IGF2R: variants seen among roughly 807,000 people sequenced by gnomAD.
IGF2R encodes insulin like growth factor 2 receptor.
In IGF2R, 91 loss-of-function variants were observed where a neutral mutation model predicts 270.6. The ratio of observed to expected loss-of-function variants is 0.34; its 90% CI spans 0.28 to 0.40. The LOEUF is 0.40. IGF2R is among the 10% of genes least tolerant of loss of function. The probability of loss-of-function intolerance (pLI) is 1.00; values close to 1 mark genes in which losing one functional copy is unlikely to be tolerated. For synonymous variants in IGF2R, 1,316 were observed against 1,258.9 expected (o/e 1.05, Z -0.96); for missense variants, 2,805 against 3,188.3 (o/e 0.88, Z 2.90).
At chr6:160,052,782 A>C (rs1583281254) in intron 19 of IGF2R, among the ~76,000 whole-genome samples, 1 of 152,332 alleles carries the variant, frequency 6.6e-6, no homozygotes, top group East Asian at 1.9e-4. Flanking sequence ...AACACCACAC[A>C]TCTACAACCA....
chr6:160,071,119 T>G (rs1778716442), intron 31 of IGF2R, among the ~76,000 whole-genome samples: 1 of 126,298 alleles, frequency 7.9e-6, no homozygotes, highest in Non-Finnish European at 1.6e-5. Context: ...GAGGGAAGGA[T>G]GAGGGTGGTG....
intron 4 of IGF2R, among the ~76,000 whole-genome samples, chr6:160,018,318 A>G (rs1256273758): frequency 6.6e-6 from 1 of 152,200 alleles, no homozygotes; most frequent in Non-Finnish European, 1.5e-5. Context: ...ACAATCTTAA[A>G]TATGTATGCA....
At chr6:160,057,937 C>G (rs1778348701) in intron 20 of IGF2R, 86 bp from the exon 21 acceptor site, 3 of 768,784 alleles carry the variant, frequency 3.9e-6, no homozygotes, top group African/African-American at 3.5e-5. Context: ...TGCATACTTG[C>G]AGGTTTCTGG....
rs1779504628 is a variant in IGF2R at position 160,102,325 on chromosome 6, C to T, written c.6843-194C>T. Among the ~76,000 whole-genome samples the T allele has an allele frequency of 6.6e-6, 1 of 152,170 alleles. No homozygotes were observed. Among genetic ancestry groups the T allele is most frequent in the Admixed American group, 6.5e-5 (1 of 15,278 alleles). ...CTTTCTGACAACCCTGCCACAAACT[C>T]ATCATCAGGAACTTTTTGCAGCCCT... On this transcript the variant is annotated intron_variant, in intron 45 of 47. Transcript: ENST00000356956. The surrounding 1 kb of genome is among the most constrained non-coding windows in gnomAD (Gnocchi z 4.5).
chr6:160,094,166 C>G, intron 44 of IGF2R: 1 of 395,020 alleles, frequency 2.5e-6, no homozygotes, highest in Non-Finnish European at 4.9e-6. Flanking sequence ...TGCTTTTGGT[C>G]TATAAACAGG....
In IGF2R at chr6:160,050,576, C is replaced by T. The variant is rs199514599; in HGVS notation, c.2618C>T (p.Ser873Leu). Reference sequence around the variant, plus strand: ...CTCCTTCTGGAATACGTGAATGGGTCGGCCTGCACCACCAGCGATGGCAGA... The same window carrying T: ...CTCCTTCTGGAATACGTGAATGGGTTGGCCTGCACCACCAGCGATGGCAGA... ...GSLLLEYVNG[S>L]ACTTSDGRQT... Residue 873 changes from serine (S) to leucine (L), a missense_variant, in exon 19 of 48, where the codon TCG becomes TTG. Ser to Leu is a moderately radical substitution (Grantham distance 145, BLOSUM62 -2). Transcript: ENST00000356956. This position sits in a 1 kb window ranked among gnomAD's most constrained non-coding sequence, Gnocchi z 4.0. The T allele has an allele frequency of 3.4e-5, 55 of 1,613,962 alleles. No individual in the cohort carries two copies. The highest frequency in any genetic ancestry group is 4.1e-5 in the Non-Finnish European group (48 of 1,179,964).
chr6:160,064,670 T>C, intron 28 of IGF2R, 134 bp from the exon 29 acceptor site: 1 of 1,134,374 alleles, frequency 8.8e-7, no homozygotes, highest in South Asian at 1.4e-5. Context: ...ACAGAAAATA[T>C]GTTGAAACTT....
At chr6:160,092,261 G>A (rs911339100) in intron 44 of IGF2R, among the ~76,000 whole-genome samples, 8 of 127,940 alleles carry the variant, frequency 6.3e-5, no homozygotes, top group Non-Finnish European at 1.2e-4. Context: ...GTGTCTGCAG[G>A]ATTCCAAACC....
chr6:159,969,434 C>T (rs1783573524), intron 1 of IGF2R, 39 bp downstream of exon 1: 2 of 1,190,152 alleles, frequency 1.7e-6, no homozygotes, highest in Non-Finnish European at 2.1e-6. Flanking sequence ...GCTCGCGGTG[C>T]CCGGGGTGAG....
chr6:159,985,127 A>G (rs1783862627), intron 1 of IGF2R, among the ~76,000 whole-genome samples: 1 of 152,104 alleles, frequency 6.6e-6, no homozygotes, highest in African/African-American at 2.4e-5. Context: ...ATATAATAGG[A>G]ACTCAGAGAT....
In IGF2R at chr6:160,084,388, G is replaced by A. The variant is rs1373974352; in HGVS notation, c.6068+204G>A. Among the ~76,000 whole-genome samples the A allele has an allele frequency of 1.3e-5, 2 of 152,188 alleles. No homozygotes were observed. The highest frequency in any genetic ancestry group is 4.8e-5 in the African/African-American group (2 of 41,434). On this transcript the variant is annotated intron_variant, in intron 40 of 47. Transcript: ENST00000356956. This position sits in a 1 kb window ranked among gnomAD's most constrained non-coding sequence, Gnocchi z 4.6. ...AGGGTGGTTCTGAGGTCAGAGTGGG[G>A]GCAGGAGCTTTGGTGACTGGAAACG...
At chr6:160,072,249 CAG>C (rs1778758051) in intron 32 of IGF2R, among the ~76,000 whole-genome samples, 1 of 152,160 alleles carries the variant, frequency 6.6e-6, no homozygotes, top group Non-Finnish European at 1.5e-5. Flanking sequence ...AATGCTCCCA[CAG>C]AGAATCCATC....
chr6:160,104,901 C>T lies in IGF2R; in HGVS notation c.7293C>T (p.Ser2431=), dbSNP rs1779579239. The change falls in exon 48 of 48, where the codon AGC becomes AGT. Residue 2431 remains serine, a synonymous_variant. Transcript: ENST00000356956. Reference sequence around the variant, plus strand: ...CGGGCAGGGGAGCTGGGGCAGAGAGCTCCCACCCAGTGAGAAACGCACAGA... The same window carrying T: ...CGGGCAGGGGAGCTGGGGCAGAGAGTTCCCACCCAGTGAGAAACGCACAGA... ...VHSGRGAGAE[S]SHPVRNAQSN... is the part of the protein sequence containing the mutation. The T allele has an allele frequency of 2.5e-6, 4 of 1,614,134 alleles. No individual in the cohort carries two copies. Among genetic ancestry groups the T allele is most frequent in the Non-Finnish European group, 3.4e-6 (4 of 1,180,006 alleles).
chr6:160,024,521 G>C lies in IGF2R; in HGVS notation c.514-51G>C, dbSNP rs1285196318. ...TGTGACATTGGTCATAAGCTTTTCT[G>C]ATTGACCAAGATGTATACTGAAGAC... On this transcript the variant is annotated intron_variant, in intron 4 of 47. Coordinates refer to ENST00000356956, the MANE Select transcript of IGF2R (RefSeq NM_000876.4). The C allele has an allele frequency of 1.9e-6, 3 of 1,583,222 alleles. No individual in the cohort carries two copies. In the East Asian group the frequency reaches 6.7e-5, roughly 35 times the overall value.
At chr6:159,984,736 A>G (rs1466725025) in intron 1 of IGF2R, among the ~76,000 whole-genome samples, 1 of 152,150 alleles carries the variant, frequency 6.6e-6, no homozygotes, top group East Asian at 1.9e-4. Flanking sequence ...ATTTCTGATG[A>G]CGTATCGCCA....
rs886150228 is a variant in IGF2R, at chr6:160,055,986, T to C, written c.2695-438T>C. Among the ~76,000 whole-genome samples, 4 of 152,176 alleles carry C rather than the reference T, an allele frequency of 2.6e-5. No homozygotes were observed. In the South Asian group the frequency reaches 8.3e-4, roughly 31 times the overall value. On this transcript the variant is annotated intron_variant, in intron 19 of 47. Coordinates refer to ENST00000356956, the MANE Select transcript of IGF2R (RefSeq NM_000876.4). ...ATGCTTCCCCCTAGGAGCCCTCCTG[T>C]GCCCTCTTCCTGCCACTGCTGAGCA...
chr6:159,977,416 G>A (rs1264020786), intron 1 of IGF2R, among the ~76,000 whole-genome samples: 1 of 152,214 alleles, frequency 6.6e-6, no homozygotes, highest in Non-Finnish European at 1.5e-5. Flanking sequence ...GAGACTAGGG[G>A]ATGGGCAGGA....
chr6:160,054,230 G>A (rs933467948), intron 19 of IGF2R, among the ~76,000 whole-genome samples: 2 of 152,218 alleles, frequency 1.3e-5, no homozygotes, highest in South Asian at 2.1e-4. Flanking sequence ...GGTTACAGGA[G>A]CAGCTATGCA....
Position 160,109,472 on chromosome 6 carries a change from T to G in IGF2R, c.*4388T>G, listed in dbSNP as rs928371050. The stretch of plus-strand genomic sequence containing the variant: ...ACAGAACAAAGAACTATTTTTTCCC[T>G]GAATCATTTGAGACTAAGTTCCCTC... On this transcript the variant is annotated 3_prime_UTR_variant, in exon 48 of 48. Coordinates refer to ENST00000356956, the MANE Select transcript of IGF2R (RefSeq NM_000876.4). 6.6e-6 allele frequency: 1 copy of G among 152,260 alleles called. No homozygotes were observed. Among genetic ancestry groups the G allele is most frequent in the Non-Finnish European group, 1.5e-5 (1 of 68,048 alleles). 9.4% of individuals were successfully genotyped at this position (152,260 alleles called of 1,614,324 possible).
Sources: allele counts gnomAD v4.1 joint callset (sites outside exome capture counted in the v4.1 genomes callset), GRCh38; gene constraint gnomAD v4.1.1; non-coding constraint Gnocchi (gnomAD v3.1); transcripts MANE v1.5; gene names NCBI Gene and HGNC (gene_info 2026-07-23, HGNC 2026-07-21).